Variants in SASH1 observed in about 807,000 individuals in gnomAD.
The protein encoded by SASH1 is SAM and SH3 domain containing 1.
In SASH1, 44 loss-of-function variants were observed where a neutral mutation model predicts 125.2. That is an observed-to-expected ratio of 0.35 (90% CI 0.28 to 0.45). The LOEUF is 0.45. SASH1 is among the 20% of genes least tolerant of loss of function. SASH1 has a pLI of 1.00. For missense variants in SASH1, 1,426 were observed against 1,614.5 expected (o/e 0.88, Z 2.00); for synonymous variants, 639 against 649.1 (o/e 0.98, Z 0.24).
intron 1 of SASH1, among the ~76,000 whole-genome samples, chr6:148,359,203 A>T (rs1284799790): frequency 6.6e-6 from 1 of 151,152 alleles, no homozygotes; most frequent in East Asian, 2.0e-4. Flanking sequence ...CTATTGTCCA[A>T]GCTGAAGTGC....
the SASH1 span, among the ~76,000 whole-genome samples, chr6:148,216,600 C>T: frequency 0.25 from 37,449 of 152,098 alleles, 4,804 homozygotes; most frequent in East Asian, 0.32. Context: ...TTGTGTGAGA[C>T]GACCAGTCAG....
the SASH1 span, among the ~76,000 whole-genome samples, chr6:148,221,293 G>A: frequency 6.6e-5 from 10 of 152,070 alleles, no homozygotes; most frequent in South Asian, 1.0e-3. Flanking sequence ...AATTTACAAG[G>A]TTAAACCTCA....
intron 1 of SASH1, among the ~76,000 whole-genome samples, chr6:148,379,347 CTG>C (rs1783040560): frequency 6.6e-6 from 1 of 152,146 alleles, no homozygotes; most frequent in Non-Finnish European, 1.5e-5. Flanking sequence ...GATATTCCCT[CTG>C]TATGGAACTT....
Position 148,310,813 on chromosome 6 carries a change from T to TA in SASH1, n.74+38445dup, listed in dbSNP as rs770918053. Among the ~76,000 whole-genome samples the TA allele has an allele frequency of 3.4e-4, 51 of 151,486 alleles. No homozygotes were observed. The East Asian group carries it at 6.8e-3, about 20-fold the overall frequency. ...ACAAAATAACTATTAGAATGACTTT[T>TA]AAAAAAAAAGGCTGGTAATGGCAAG... On this transcript the variant is annotated intron_variant and non_coding_transcript_variant, in intron 1 of 3. Transcript: ENST00000367469.
intron 10 of SASH1, among the ~76,000 whole-genome samples, chr6:148,521,717 C>T (rs1269253572): frequency 6.6e-6 from 1 of 152,232 alleles, no homozygotes; most frequent in African/African-American, 2.4e-5. Flanking sequence ...CTGGTTTGCT[C>T]TGACTCACAG....
the SASH1 span, among the ~76,000 whole-genome samples, chr6:148,231,377 A>G: frequency 1.3e-5 from 2 of 152,172 alleles, no homozygotes; most frequent in African/African-American, 4.8e-5. Context: ...TGATTATTGA[A>G]GCTGTGGACA....
intron 1 of SASH1, among the ~76,000 whole-genome samples, chr6:148,313,928 A>G (rs1780405713): frequency 6.6e-6 from 1 of 152,158 alleles, no homozygotes; most frequent in Admixed American, 6.5e-5. Flanking sequence ...TTTTTGGTCA[A>G]CTTCAACAAG....
rs930948262 is a variant in SASH1, at chr6:148,485,955, A to G, written c.628-1659A>G. On this transcript the variant is annotated intron_variant, in intron 7 of 19. Coordinates refer to ENST00000367467, the MANE Select transcript of SASH1 (RefSeq NM_015278.5). ...GTAATAGGGTTTGAATGCAGTGACA[A>G]TTGTTTTGAACCCCAGAGCTCAATT... 2.1e-5 allele frequency among the ~76,000 whole-genome samples: 3 copies of G among 141,404 alleles called. No homozygotes were observed. In the Admixed American group the frequency reaches 2.1e-4, roughly 10 times the overall value. 92.8% of individuals were successfully genotyped at this position (141,404 alleles called of 152,430 possible).
intron 8 of SASH1, among the ~76,000 whole-genome samples, chr6:148,492,397 A>T (rs993370710): frequency 1.3e-5 from 2 of 152,156 alleles, no homozygotes; most frequent in African/African-American, 4.8e-5. Flanking sequence ...TTCTTTATTC[A>T]TTTGGGAGAC....
intron 8 of SASH1, among the ~76,000 whole-genome samples, chr6:148,506,745 G>T (rs546302766): frequency 6.6e-6 from 1 of 151,990 alleles, no homozygotes; most frequent in Non-Finnish European, 1.5e-5. Context: ...CATTTTCTTC[G>T]TTTTTATCCT....
chr6:148,425,157 G>A (rs2114958231), intron 2 of SASH1, among the ~76,000 whole-genome samples: 1 of 152,308 alleles, frequency 6.6e-6, no homozygotes, highest in South Asian at 2.1e-4. Flanking sequence ...GTGGTCAGAT[G>A]TGGTGGGAGG....
Position 148,390,269 on chromosome 6 carries a change from G to T in SASH1, c.285+7G>T, listed in dbSNP as rs1357012719. 6.2e-7 allele frequency: 1 copy of T among 1,609,214 alleles called. No homozygotes were observed. The highest frequency in any genetic ancestry group is 2.2e-5 in the East Asian group (1 of 44,798). ...TTCCCAGGACCTGGAAGTGGTGAGTGGGGGTCCTGGGAATATGCTTCTGTG... is the reference window on the plus strand; with the variant it reads ...TTCCCAGGACCTGGAAGTGGTGAGTTGGGGTCCTGGGAATATGCTTCTGTG... On this transcript the variant is annotated splice_region_variant and intron_variant, in intron 2 of 19. Coordinates refer to ENST00000367467, the MANE Select transcript of SASH1 (RefSeq NM_015278.5).
At chr6:148,243,441 A>G in the SASH1 span, among the ~76,000 whole-genome samples, 3 of 138,638 alleles carry the variant, frequency 2.2e-5, no homozygotes, top group East Asian at 6.1e-4. Flanking sequence ...CAAGAGCAAA[A>G]TTCCATCTAA....
rs1000634465 is a variant in SASH1 at position 148,394,633 on chromosome 6, ATCTC to A, written c.285+4379_285+4382del. 5.3e-5 allele frequency among the ~76,000 whole-genome samples: 8 copies of A among 151,118 alleles called. 1 individual carries two copies. The highest frequency in any genetic ancestry group is 4.9e-5 in the African/African-American group (2 of 41,150). ...TTTTTCTTTCTTTCTCTCTTTCTCT[ATCTC>A]TCTCTCTTTCTTTCTTTCTTTTTTG... On this transcript the variant is annotated intron_variant, in intron 2 of 19. Transcript: ENST00000367467.
intron 1 of SASH1, among the ~76,000 whole-genome samples, chr6:148,300,378 A>G (rs966337826): frequency 4.6e-5 from 7 of 151,370 alleles, no homozygotes; most frequent in African/African-American, 1.7e-4. Context: ...TTTAAGGTGC[A>G]CTAGAATAAG....
intron 8 of SASH1, among the ~76,000 whole-genome samples, chr6:148,502,659 C>T (rs1308409957): frequency 2.0e-5 from 3 of 149,628 alleles, no homozygotes; most frequent in African/African-American, 7.4e-5. Flanking sequence ...CGGGAAGCTC[C>T]TGTTGACTGG....
At chr6:148,318,231 C>G (rs1424794271) in intron 1 of SASH1, among the ~76,000 whole-genome samples, 1 of 152,132 alleles carries the variant, frequency 6.6e-6, no homozygotes, top group Non-Finnish European at 1.5e-5. Flanking sequence ...AACAGACAAA[C>G]AGCAGGCATG....
At chr6:148,261,874 G>T in the SASH1 span, among the ~76,000 whole-genome samples, 1 of 152,238 alleles carries the variant, frequency 6.6e-6, no homozygotes, top group South Asian at 2.1e-4. Context: ...GTGGGGGATG[G>T]GCTTGGGTAG....
At chr6:148,510,029 G>A (rs1353606052) in intron 8 of SASH1, among the ~76,000 whole-genome samples, 1 of 152,216 alleles carries the variant, frequency 6.6e-6, no homozygotes, top group Non-Finnish European at 1.5e-5. Context: ...TCTCTTTAAA[G>A]CAGCTATAGT....
Sources: gnomAD v4.1 joint callset for allele counts (sites outside exome capture counted in the v4.1 genomes callset) on GRCh38, gnomAD v4.1.1 for gene constraint, MANE v1.5 for transcripts, NCBI Gene and HGNC (gene_info 2026-07-23, HGNC 2026-07-21) for gene names.